The following AK5 variants were observed in gnomAD, a reference collection of about 807,000 sequenced individuals.
AK5 encodes the protein adenylate kinase 5.
A neutral mutation model predicts 69.5 loss-of-function variants in AK5; 27 were observed. That is an observed-to-expected ratio of 0.39 (90% CI 0.29 to 0.54). AK5 has a LOEUF of 0.54. AK5 is among the 20% of genes least tolerant of loss of function. AK5 has a pLI of 0.71. For missense variants in AK5, 531 were observed against 700.4 expected, an observed-to-expected ratio of 0.76 and a Z score of 2.73; for synonymous variants, 260 against 244.4, an observed-to-expected ratio of 1.06 and a Z score of -0.60.
rs376578923 is a variant in AK5, at chr1:77,368,245, A to ATATATATATATATATGTTATATATGT, written c.891+27685_891+27686insTATATATGTTATATATGTTATATATA. 5.2e-4 allele frequency among the ~76,000 whole-genome samples: 35 copies of ATATATATATATATATGTTATATATGT among 67,902 alleles called. 2 individuals carry two copies. Among genetic ancestry groups the ATATATATATATATATGTTATATATGT allele is most frequent in the South Asian group, 1.1e-3 (2 of 1,802 alleles). The allele number at this position is 67,902 out of a possible 152,430, so 44.5% of individuals were successfully genotyped here. On this transcript the variant is annotated intron_variant, in intron 6 of 13. Transcript: ENST00000354567. The stretch of plus-strand genomic sequence containing the variant: ...TATATATATATATATATATATATAT[A>ATATATATATATATATGTTATATATGT]TATATATAATATATATGTTATATAT...
intron 6 of AK5, among the ~76,000 whole-genome samples, chr1:77,388,315 C>T (rs1648162261): frequency 6.6e-6 from 1 of 152,164 alleles, no homozygotes; most frequent in Admixed American, 6.5e-5. Context: ...GCTAGATTAA[C>T]AGATGTTTGT....
chr1:77,293,690 C>A, intron 2 of AK5, 103 bp from the exon 3 acceptor site: 4 of 999,902 alleles, frequency 4.0e-6, no homozygotes, highest in Non-Finnish European at 5.8e-6. Flanking sequence ...AAGAAAAAAA[C>A]AAACCCATTT....
At chr1:77,439,283 A>G (rs1406540549) in intron 8 of AK5, among the ~76,000 whole-genome samples, 1 of 152,234 alleles carries the variant, frequency 6.6e-6, no homozygotes, top group African/African-American at 2.4e-5. Context: ...GGAAGATTAC[A>G]TAATTTTTAT....
chr1:77,340,967 A>G (rs564218667), intron 6 of AK5: 1 of 158,166 alleles, frequency 6.3e-6, no homozygotes, highest in South Asian at 1.9e-4. Flanking sequence ...GGGTTATAAT[A>G]GATTTAAGCG....
Position 77,282,558 on chromosome 1 carries a change from C to T in AK5, c.60+185C>T, listed in dbSNP as rs1045733249. 67 of 1,374,494 alleles carry T rather than the reference C, an allele frequency of 4.9e-5. No homozygotes were observed. In the African/African-American group the frequency reaches 7.7e-4, roughly 16 times the overall value. 85.1% of individuals were successfully genotyped at this position (1,374,494 alleles called of 1,614,324 possible). ...TCCCGCGGGTTGCCAGGGTCCTTGTCAGAAGGCTGGGCTTAGAAGCCTGCA... is the reference window on the plus strand; with the variant it reads ...TCCCGCGGGTTGCCAGGGTCCTTGTTAGAAGGCTGGGCTTAGAAGCCTGCA... On this transcript the variant is annotated intron_variant, in intron 1 of 13. Coordinates refer to ENST00000354567, the MANE Select transcript of AK5 (RefSeq NM_174858.3).
chr1:77,282,385 G>A lies in AK5; in HGVS notation c.60+12G>A. On this transcript the variant is annotated intron_variant, in intron 1 of 13. Transcript: ENST00000354567. Reference sequence around the variant, plus strand: ...CTCAGCTTTTTGAGGTAGGGCTAGAGCTGGCCGACGGGCGGTAGCATCCGG... The same window carrying A: ...CTCAGCTTTTTGAGGTAGGGCTAGAACTGGCCGACGGGCGGTAGCATCCGG... 1.9e-6 allele frequency: 3 copies of A among 1,542,624 alleles called. No individual in the cohort carries two copies. The highest frequency in any genetic ancestry group is 2.6e-6 in the Non-Finnish European group (3 of 1,143,160).
chr1:77,304,652 G>T (rs528374466), intron 5 of AK5, among the ~76,000 whole-genome samples: 1 of 152,182 alleles, frequency 6.6e-6, no homozygotes, highest in African/African-American at 2.4e-5. Flanking sequence ...TGATCCACCC[G>T]CCTCTGCCTC....
chr1:77,434,109 T>C (rs12037071), intron 8 of AK5, among the ~76,000 whole-genome samples: 13,473 of 48,712 alleles, frequency 0.28, 697 homozygotes, highest in South Asian at 0.48. Flanking sequence ...GTGCAAAGCA[T>C]AAATAAATAA....
At chr1:77,324,318 C>T (rs201216365) in intron 5 of AK5, among the ~76,000 whole-genome samples, 2 of 148,694 alleles carry the variant, frequency 1.3e-5, no homozygotes, top group African/African-American at 5.0e-5. Context: ...TCACCATTTG[C>T]GTGTGTGTGT....
intron 6 of AK5, among the ~76,000 whole-genome samples, chr1:77,359,975 G>A (rs2815306): frequency 0.027 from 4,177 of 152,146 alleles, 88 homozygotes; most frequent in Non-Finnish European, 0.04. Flanking sequence ...GATTGGTAAG[G>A]GACCAAGTAG....
intron 6 of AK5, among the ~76,000 whole-genome samples, chr1:77,382,596 C>T (rs189681686): frequency 6.6e-5 from 10 of 152,268 alleles, no homozygotes; most frequent in African/African-American, 1.9e-4. Context: ...GTGAGTCACC[C>T]GTCTCAGCTT....
At chr1:77,483,077 T>C (rs1289974666) in intron 8 of AK5, among the ~76,000 whole-genome samples, 1 of 142,112 alleles carries the variant, frequency 7.0e-6, no homozygotes, top group Non-Finnish European at 1.5e-5. Flanking sequence ...AGAGAGCATG[T>C]ACTTGGGACA....
intron 5 of AK5, among the ~76,000 whole-genome samples, chr1:77,302,201 G>C (rs1454871640): frequency 1.6e-5 from 2 of 122,772 alleles, no homozygotes; most frequent in Non-Finnish European, 3.4e-5. Flanking sequence ...AACTGGCTGA[G>C]ACCTATTTTA....
intron 10 of AK5, among the ~76,000 whole-genome samples, chr1:77,494,024 A>C (rs572275598): frequency 6.6e-6 from 1 of 152,352 alleles, no homozygotes; most frequent in Non-Finnish European, 1.5e-5. Flanking sequence ...ATTCAAAAAG[A>C]CATAAAACAG....
chr1:77,354,188 C>T (rs1470791884), intron 6 of AK5, among the ~76,000 whole-genome samples: 1 of 152,090 alleles, frequency 6.6e-6, no homozygotes, highest in East Asian at 1.9e-4. Context: ...TAAATTTTAT[C>T]TAAACCATTC....
chr1:77,383,410 T>C lies in AK5; in HGVS notation c.892-27571T>C, dbSNP rs561611438. Reference sequence around the variant, plus strand: ...ATTACCATTTGCAAACCATTTATGGTTAGGAAATCCAGGGTAATAAACTGA... The same window carrying C: ...ATTACCATTTGCAAACCATTTATGGCTAGGAAATCCAGGGTAATAAACTGA... On this transcript the variant is annotated intron_variant, in intron 6 of 13. Coordinates refer to ENST00000354567, the MANE Select transcript of AK5 (RefSeq NM_174858.3). Among the ~76,000 whole-genome samples, 7 of 152,128 alleles carry C rather than the reference T, an allele frequency of 4.6e-5. No homozygotes were observed. The South Asian group carries it at 1.2e-3, about 27-fold the overall frequency.
In AK5 at chr1:77,426,694, T is replaced by G. The variant is rs1165324337; in HGVS notation, c.1059+8979T>G. Among the ~76,000 whole-genome samples, 6 of 152,324 alleles carry G rather than the reference T, an allele frequency of 3.9e-5. No individual in the cohort carries two copies. In the South Asian group the frequency reaches 8.3e-4, roughly 21 times the overall value. On this transcript the variant is annotated intron_variant, in intron 8 of 13. Transcript: ENST00000354567. Reference sequence around the variant, plus strand: ...TCCAACAACAACAGAATACACATTCTTCTCAAGCTCACATGGAATATTCAC... The same window carrying G: ...TCCAACAACAACAGAATACACATTCGTCTCAAGCTCACATGGAATATTCAC...
rs186224593 is a variant in AK5, at chr1:77,474,334, C to T, written c.1060-8983C>T. Among the ~76,000 whole-genome samples, 10 of 152,288 alleles carry T rather than the reference C, an allele frequency of 6.6e-5. No homozygotes were observed. In the East Asian group the frequency reaches 1.2e-3, roughly 18 times the overall value. On this transcript the variant is annotated intron_variant, in intron 8 of 13. Transcript: ENST00000354567. Reference sequence around the variant, plus strand: ...GACCTGCCTCTTTGATTCCCAACTCCGACCTGGATATCATCTTTCATTCCT... The same window carrying T: ...GACCTGCCTCTTTGATTCCCAACTCTGACCTGGATATCATCTTTCATTCCT...
At chr1:77,282,714 A>G in intron 1 of AK5, 1 of 1,073,110 alleles carries the variant, frequency 9.3e-7, no homozygotes, top group Non-Finnish European at 1.1e-6. Context: ...GGCGAGGGCC[A>G]GGTCAGGTGG....
Sources: allele counts gnomAD v4.1 joint callset (sites outside exome capture counted in the v4.1 genomes callset), GRCh38; gene constraint gnomAD v4.1.1; transcripts MANE v1.5; gene names NCBI Gene and HGNC (gene_info 2026-07-23, HGNC 2026-07-21).